Variants in CSMD1 observed in about 807,000 individuals in gnomAD.
The protein encoded by CSMD1 is CUB and sushi domain-containing protein 1.
A neutral mutation model predicts 417.5 loss-of-function variants in CSMD1; 213 were observed. The ratio of observed to expected loss-of-function variants is 0.51; its 90% CI spans 0.46 to 0.57. The LOEUF (loss-of-function observed/expected upper bound fraction) is 0.57, where lower values mean the gene tolerates loss of function less well. CSMD1 is among the 20% of genes least tolerant of loss of function. The probability of loss-of-function intolerance (pLI) is 0.00; values close to 1 mark genes in which losing one functional copy is unlikely to be tolerated. For synonymous variants in CSMD1, 2,862 were observed against 1,736.8 expected, an observed-to-expected ratio of 1.65 and a Z score of -16.11; for missense variants, 6,923 against 4,529.7, an observed-to-expected ratio of 1.53 and a Z score of -15.17.
In CSMD1 at chr8:3,348,144, C is replaced by T. The variant is rs1395012880; in HGVS notation, c.3322G>A (p.Val1108Ile). 1.9e-6 allele frequency: 3 copies of T among 1,612,020 alleles called. No homozygotes were observed. Among genetic ancestry groups the T allele is most frequent in the African/African-American group, 1.3e-5 (1 of 74,952 alleles). ...PRCVAECGAS[V>I]KGNEGTLLSP... Reference sequence around the variant, plus strand: ...AGTAATGTTCCTTCATTTCCTTTGACACTTGCTCCACATTCGGCTACAATA... The same window carrying T: ...AGTAATGTTCCTTCATTTCCTTTGATACTTGCTCCACATTCGGCTACAATA... The change falls in exon 22 of 70, where the codon GTC becomes ATC. Residue 1108 changes from valine (V) to isoleucine (I), a missense_variant. Transcript: ENST00000635120.
At chr8:4,357,492 A>C (rs139590161) in intron 3 of CSMD1, among the ~76,000 whole-genome samples, 27 of 152,290 alleles carry the variant, frequency 1.8e-4, no homozygotes, top group Admixed American at 4.6e-4. Flanking sequence ...ACATGGCATT[A>C]CTTTATCCAC....
At chr8:4,672,025 C>A (rs1805362766) in intron 1 of CSMD1, among the ~76,000 whole-genome samples, 1 of 152,166 alleles carries the variant, frequency 6.6e-6, no homozygotes, top group African/African-American at 2.4e-5. Flanking sequence ...GAGAGCATGA[C>A]AGTGATGACA....
intron 3 of CSMD1, among the ~76,000 whole-genome samples, chr8:4,132,589 T>A (rs556188175): frequency 6.6e-6 from 1 of 152,204 alleles, no homozygotes; most frequent in African/African-American, 2.4e-5. Flanking sequence ...ACATCATCAA[T>A]GGCTGATAAT....
At chr8:3,094,947 A>G (rs1815196089) in intron 47 of CSMD1, among the ~76,000 whole-genome samples, 2 of 152,072 alleles carry the variant, frequency 1.3e-5, no homozygotes, top group East Asian at 1.9e-4. Context: ...AGACCAGACA[A>G]TCCTAGTCAC....
intron 36 of CSMD1, among the ~76,000 whole-genome samples, chr8:3,184,358 A>G (rs569181682): frequency 4.8e-4 from 73 of 152,308 alleles, no homozygotes; most frequent in African/African-American, 1.7e-3. Flanking sequence ...CTTCGTGCAA[A>G]GCAGAACCTT....
chr8:4,408,050 T>G (rs541425471), intron 3 of CSMD1, among the ~76,000 whole-genome samples: 44 of 152,290 alleles, frequency 2.9e-4, no homozygotes, highest in East Asian at 5.8e-4. Flanking sequence ...TCCCCAAATG[T>G]AGCTTTCCAT....
chr8:3,091,681 C>T lies in CSMD1; in HGVS notation c.7139-19G>A, dbSNP rs760357021. The T allele has an allele frequency of 1.3e-6, 2 of 1,599,574 alleles. No individual in the cohort carries two copies. Among genetic ancestry groups the T allele is most frequent in the Admixed American group, 3.5e-5 (2 of 56,786 alleles). ...GAAGAACCTAAGTGAAACAGAAAAA[C>T]AAAAACATTCAGAGATGAGTGAGCA... On this transcript the variant is annotated intron_variant, in intron 47 of 69. Coordinates refer to ENST00000635120, the MANE Select transcript of CSMD1 (RefSeq NM_033225.6).
At chr8:3,265,974 C>T (rs371146578) in intron 26 of CSMD1, among the ~76,000 whole-genome samples, 1 of 151,916 alleles carries the variant, frequency 6.6e-6, no homozygotes, top group Non-Finnish European at 1.5e-5. Flanking sequence ...TTTTAGATGT[C>T]TGCAAGATGT....
chr8:3,238,494 C>G (rs55772257), intron 26 of CSMD1, among the ~76,000 whole-genome samples: 29,477 of 151,826 alleles, frequency 0.19, 2,994 homozygotes, highest in East Asian at 0.28. Context: ...GGTATGGAGA[C>G]ATAATGGGCG....
At chr8:2,948,331 C>G (rs190605455) in intron 68 of CSMD1, among the ~76,000 whole-genome samples, 1 of 151,620 alleles carries the variant, frequency 6.6e-6, no homozygotes. Context: ...ATATTGTGAC[C>G]CATCCTAGAT....
intron 5 of CSMD1, among the ~76,000 whole-genome samples, chr8:3,852,054 G>C (rs993772864): frequency 1.3e-5 from 2 of 152,190 alleles, no homozygotes; most frequent in East Asian, 1.9e-4. Context: ...AATAAGAATG[G>C]TTGAGGCAGA....
chr8:3,961,106 A>T (rs1812294317), intron 5 of CSMD1, among the ~76,000 whole-genome samples: 1 of 152,296 alleles, frequency 6.6e-6, no homozygotes, highest in African/African-American at 2.4e-5. Flanking sequence ...AGTCTCCAAG[A>T]AGCTAATAAT....
intron 9 of CSMD1, among the ~76,000 whole-genome samples, chr8:3,583,091 C>G (rs1800450511): frequency 6.6e-6 from 1 of 152,136 alleles, no homozygotes; most frequent in Non-Finnish European, 1.5e-5. Flanking sequence ...TGACCTCTTC[C>G]TGGGGAGCCT....
chr8:4,454,865 C>G lies in CSMD1; in HGVS notation c.303-34800G>C, dbSNP rs183331818. Among the ~76,000 whole-genome samples the G allele has an allele frequency of 5.9e-5, 9 of 152,260 alleles. No individual in the cohort carries two copies. In the East Asian group the frequency reaches 1.4e-3, roughly 23 times the overall value. ...TTTCCACAGTTTAGTTTTAAAGAAA[C>G]TTAATCTAAATGGCGTCCTGTGATA... is the stretch of plus-strand genomic sequence containing the variant. On this transcript the variant is annotated intron_variant, in intron 2 of 69. Coordinates refer to ENST00000635120, the MANE Select transcript of CSMD1 (RefSeq NM_033225.6).
intron 5 of CSMD1, among the ~76,000 whole-genome samples, chr8:3,755,394 G>C (rs1797600461): frequency 6.6e-6 from 1 of 152,170 alleles, no homozygotes; most frequent in African/African-American, 2.4e-5. Flanking sequence ...CTCTACAAGT[G>C]GTTGTGCACT....
At chr8:3,684,266 CTA>C (rs544400988) in intron 7 of CSMD1, among the ~76,000 whole-genome samples, 186 of 135,128 alleles carry the variant, frequency 1.4e-3, no homozygotes, top group East Asian at 0.01. Flanking sequence ...AAATATATAG[CTA>C]TATGTTATAT....
intron 54 of CSMD1, among the ~76,000 whole-genome samples, chr8:2,982,560 T>C (rs1243495889): frequency 6.6e-6 from 1 of 152,106 alleles, no homozygotes; most frequent in Non-Finnish European, 1.5e-5. Flanking sequence ...ATTTGAGCAG[T>C]TTTGCCAGCT....
intron 2 of CSMD1, among the ~76,000 whole-genome samples, chr8:4,449,021 G>C (rs1161702108): frequency 1.3e-5 from 2 of 152,130 alleles, no homozygotes; most frequent in African/African-American, 2.4e-5. Context: ...TGTGCGTTCA[G>C]CCTAATTTAT....
chr8:4,971,383 G>T (rs1484504420), intron 1 of CSMD1, among the ~76,000 whole-genome samples: 1 of 151,860 alleles, frequency 6.6e-6, no homozygotes, highest in South Asian at 2.1e-4. Flanking sequence ...TACTTATAAA[G>T]AAATGTTTAG....
Sources: gnomAD v4.1 joint callset for allele counts (sites outside exome capture counted in the v4.1 genomes callset) on GRCh38, gnomAD v4.1.1 for gene constraint, MANE v1.5 for transcripts, NCBI Gene and HGNC (gene_info 2026-07-23, HGNC 2026-07-21) for gene names.